Variants in VSNL1 observed in about 807,000 individuals in gnomAD.
The protein encoded by VSNL1 is visinin-like protein 1.
VSNL1 carries 6 observed loss-of-function variants against 20.4 expected under a neutral mutation model. That is an observed-to-expected ratio of 0.29 (90% CI 0.16 to 0.58). The LOEUF is 0.58. Among genes scored for constraint, VSNL1 ranks in the 20% least tolerant of loss-of-function variants. The pLI, the probability that VSNL1 is intolerant of heterozygous loss-of-function variation, is 0.90. For synonymous variants in VSNL1, 93 were observed against 86.4 expected (o/e 1.08, Z -0.42); for missense variants, 100 against 234.5 (o/e 0.43, Z 3.75).
intron 1 of VSNL1, among the ~76,000 whole-genome samples, chr2:17,570,983 G>T (rs1664068775): frequency 1.3e-5 from 2 of 152,052 alleles, no homozygotes; most frequent in East Asian, 3.9e-4. Context: ...CCGAGATTGC[G>T]CCACTGCACT....
At chr2:17,555,212 G>A (rs1323668540) in intron 1 of VSNL1, among the ~76,000 whole-genome samples, 2 of 152,118 alleles carry the variant, frequency 1.3e-5, no homozygotes, top group Non-Finnish European at 2.9e-5. Flanking sequence ...AGAAGATTGA[G>A]GAAAATTCAC....
intron 2 of VSNL1, among the ~76,000 whole-genome samples, chr2:17,612,248 G>A (rs1446719545): frequency 6.6e-6 from 1 of 152,176 alleles, no homozygotes; most frequent in African/African-American, 2.4e-5. Flanking sequence ...GGGAAGCAGA[G>A]GTGGCCCCAG....
rs1666242737 is a variant in VSNL1, at chr2:17,656,803, G to A, written c.*1409G>A. On this transcript the variant is annotated 3_prime_UTR_variant, in exon 4 of 4. Transcript: ENST00000295156. The stretch of plus-strand genomic sequence containing the variant: ...AGCTATAACTGCACATATGGCTACT[G>A]AGCACTTCAAGTATGGCTAGCGTGA... 1.3e-5 allele frequency: 2 copies of A among 152,308 alleles called. No homozygotes were observed. Among genetic ancestry groups the A allele is most frequent in the African/African-American group, 2.4e-5 (1 of 41,560 alleles). The allele number at this position is 152,308 out of a possible 1,614,324, so 9.4% of individuals were successfully genotyped here.
At chr2:17,638,664 C>T (rs1407130604) in intron 2 of VSNL1, among the ~76,000 whole-genome samples, 2 of 152,224 alleles carry the variant, frequency 1.3e-5, no homozygotes, top group African/African-American at 2.4e-5. Context: ...GTGTGAGCGC[C>T]TGCTCTTCAT....
chr2:17,546,863 G>T (rs768862310), intron 1 of VSNL1, among the ~76,000 whole-genome samples: 12 of 151,908 alleles, frequency 7.9e-5, no homozygotes, highest in Non-Finnish European at 1.6e-4. Context: ...AAGTTCAAGA[G>T]TTTCTGTAAC....
intron 2 of VSNL1, among the ~76,000 whole-genome samples, chr2:17,613,859 A>T (rs1665149486): frequency 6.6e-6 from 1 of 152,234 alleles, no homozygotes; most frequent in Non-Finnish European, 1.5e-5. Flanking sequence ...ATGTAGGGAG[A>T]TCAATAATGA....
In VSNL1 at chr2:17,656,824, C is replaced by A. The variant is rs1245345564; in HGVS notation, c.*1430C>A. ...TACTGAGCACTTCAAGTATGGCTAG[C>A]GTGACTAAGGAACTGAATTTTATAC... On this transcript the variant is annotated 3_prime_UTR_variant, in exon 4 of 4. Transcript: ENST00000295156. 2.6e-5 allele frequency: 4 copies of A among 152,090 alleles called. No homozygotes were observed. Among genetic ancestry groups the A allele is most frequent in the Admixed American group, 2.0e-4 (3 of 15,260 alleles). The allele number at this position is 152,090 out of a possible 1,614,324, so 9.4% of individuals were successfully genotyped here.
chr2:17,611,480 G>C (rs980526533), intron 2 of VSNL1, among the ~76,000 whole-genome samples: 1 of 152,214 alleles, frequency 6.6e-6, no homozygotes, highest in African/African-American at 2.4e-5. Flanking sequence ...ATAAGATGAA[G>C]GATGATCATG....
chr2:17,602,109 C>T (rs1367809498), intron 2 of VSNL1, among the ~76,000 whole-genome samples: 1 of 152,204 alleles, frequency 6.6e-6, no homozygotes, highest in Non-Finnish European at 1.5e-5. Flanking sequence ...CACTGACCCA[C>T]CTTGGGTCTG....
intron 2 of VSNL1, among the ~76,000 whole-genome samples, chr2:17,621,962 T>C (rs750149938): frequency 9.2e-5 from 14 of 152,054 alleles, no homozygotes; most frequent in Admixed American, 2.6e-4. Context: ...GTCCTGATTT[T>C]TAGACTGGAT....
chr2:17,571,913 G>T (rs1664093556), intron 1 of VSNL1, among the ~76,000 whole-genome samples: 2 of 152,178 alleles, frequency 1.3e-5, no homozygotes, highest in African/African-American at 4.8e-5. Context: ...TAGGAAAAGA[G>T]AATTCTAAGG....
At chr2:17,632,083 C>T (rs2103412951) in intron 2 of VSNL1, among the ~76,000 whole-genome samples, 2 of 152,200 alleles carry the variant, frequency 1.3e-5, no homozygotes, top group East Asian at 3.9e-4. Flanking sequence ...GACGGTTTTT[C>T]ACCATGTTGG....
At chr2:17,615,410 G>A (rs1665192865) in intron 2 of VSNL1, among the ~76,000 whole-genome samples, 1 of 152,204 alleles carries the variant, frequency 6.6e-6, no homozygotes, top group Non-Finnish European at 1.5e-5. Flanking sequence ...ATATGCATAT[G>A]TTGTAGAGTG....
chr2:17,551,896 TAAAA>T (rs34475496), intron 1 of VSNL1, among the ~76,000 whole-genome samples: 1 of 116,808 alleles, frequency 8.6e-6, no homozygotes, highest in Non-Finnish European at 1.7e-5. Context: ...GCAATTTTGT[TAAAA>T]AAAAAAAAAA....
intron 2 of VSNL1, among the ~76,000 whole-genome samples, chr2:17,604,608 C>T (rs1410975237): frequency 3.3e-5 from 5 of 152,220 alleles, no homozygotes; most frequent in African/African-American, 1.2e-4. Flanking sequence ...ACGGTGTTCC[C>T]GTGAGAACCA....
intron 2 of VSNL1, among the ~76,000 whole-genome samples, chr2:17,646,897 C>G (rs1321758237): frequency 6.6e-6 from 1 of 152,108 alleles, no homozygotes; most frequent in Non-Finnish European, 1.5e-5. Flanking sequence ...GATGATCCAT[C>G]TAGAGTTGAA....
At chr2:17,597,642 G>A (rs1035435397) in intron 2 of VSNL1, among the ~76,000 whole-genome samples, 2 of 152,276 alleles carry the variant, frequency 1.3e-5, no homozygotes, top group South Asian at 2.1e-4. Context: ...GTCCCTCTAG[G>A]TGGTCATTTC....
intron 1 of VSNL1, among the ~76,000 whole-genome samples, chr2:17,589,767 T>A (rs897049938): frequency 2.0e-5 from 3 of 152,240 alleles, no homozygotes; most frequent in Non-Finnish European, 4.4e-5. Context: ...ACAAAGAAGC[T>A]GATACGTTGT....
intron 2 of VSNL1, among the ~76,000 whole-genome samples, chr2:17,594,294 G>T (rs1408904299): frequency 2.0e-5 from 3 of 151,732 alleles, no homozygotes; most frequent in African/African-American, 7.3e-5. Flanking sequence ...CTATATTTTT[G>T]GCAAACTCTT....
Sources: gnomAD v4.1 joint callset for allele counts (sites outside exome capture counted in the v4.1 genomes callset) on GRCh38, gnomAD v4.1.1 for gene constraint, MANE v1.5 for transcripts, NCBI Gene and HGNC (gene_info 2026-07-23, HGNC 2026-07-21) for gene names.